PDE4B: variants seen among roughly 807,000 people sequenced by gnomAD.
The protein encoded by PDE4B is phosphodiesterase 4B.
In PDE4B, 20 loss-of-function variants were observed where a neutral mutation model predicts 82.2. The observed-to-expected ratio is 0.24, with a 90% CI of 0.17 to 0.35. PDE4B has a LOEUF of 0.35. Ranked by LOEUF, PDE4B falls within the 10% of genes least tolerant of loss-of-function variation. The probability of loss-of-function intolerance (pLI) is 1.00; values close to 1 mark genes in which losing one functional copy is unlikely to be tolerated. For missense variants in PDE4B, 655 were observed against 907.2 expected (o/e 0.72, Z 3.57); for synonymous variants, 320 against 318.9 (o/e 1.00, Z -0.04).
intron 1 of PDE4B, among the ~76,000 whole-genome samples, chr1:65,812,196 C>T (rs554223303): frequency 3.3e-5 from 5 of 152,296 alleles, no homozygotes; most frequent in South Asian, 4.2e-4. Flanking sequence ...CTTCCTTCCC[C>T]GAGGTCTGAC....
At chr1:65,981,481 T>A (rs1412981207) in intron 3 of PDE4B, among the ~76,000 whole-genome samples, 1 of 151,980 alleles carries the variant, frequency 6.6e-6, no homozygotes, top group African/African-American at 2.4e-5. Flanking sequence ...TTAATTGGAG[T>A]TAATAGGTTT....
At chr1:66,332,226 T>G in intron 7 of PDE4B, 1 of 1,444,432 alleles carries the variant, frequency 6.9e-7, no homozygotes, top group Non-Finnish European at 9.0e-7. Context: ...AAGAGACCGT[T>G]CCCTCCGCCT....
chr1:65,928,770 C>T (rs1056541024), intron 3 of PDE4B, among the ~76,000 whole-genome samples: 2 of 152,172 alleles, frequency 1.3e-5, no homozygotes. Flanking sequence ...ATCCCTTCCT[C>T]TCCATTAAAC....
chr1:66,207,962 G>A (rs1304960535), intron 3 of PDE4B, among the ~76,000 whole-genome samples: 2 of 152,140 alleles, frequency 1.3e-5, no homozygotes, highest in Non-Finnish European at 2.9e-5. Context: ...TAGCTTCCCA[G>A]GTGCTAAAAT....
At position 66,257,516 on chromosome 1, in the gene PDE4B, C is replaced by T. The variant is rs760711888; in HGVS notation, c.477-131C>T. 8 of 958,684 alleles carry T rather than the reference C, an allele frequency of 8.3e-6. No homozygotes were observed. The East Asian group carries it at 1.9e-4, about 23-fold the overall frequency. The allele number at this position is 958,684 out of a possible 1,614,324, so 59.4% of individuals were successfully genotyped here. On this transcript the variant is annotated intron_variant, in intron 4 of 16. Transcript: ENST00000341517. Reference sequence around the variant, plus strand: ...TTTCGTGCCAAATTGTGAGTCCTGTCTTATATCCAGGTAGAAGAACTTGTA... The same window carrying T: ...TTTCGTGCCAAATTGTGAGTCCTGTTTTATATCCAGGTAGAAGAACTTGTA...
chr1:65,841,487 G>A (rs1210720660), intron 1 of PDE4B, among the ~76,000 whole-genome samples: 1 of 151,986 alleles, frequency 6.6e-6, no homozygotes, highest in African/African-American at 2.4e-5. Flanking sequence ...GTGATCTTGG[G>A]GAAGCAGCCT....
At chr1:65,845,585 T>C (rs1190836250) in intron 1 of PDE4B, among the ~76,000 whole-genome samples, 1 of 152,090 alleles carries the variant, frequency 6.6e-6, no homozygotes, top group African/African-American at 2.4e-5. Flanking sequence ...TTTAAGGAAA[T>C]GTGGGCGGAA....
At chr1:66,131,635 A>C (rs1429829940) in intron 3 of PDE4B, among the ~76,000 whole-genome samples, 3 of 127,636 alleles carry the variant, frequency 2.4e-5, no homozygotes, top group Admixed American at 7.9e-5. Flanking sequence ...ATATATATAT[A>C]TATTACTAAC....
At chr1:65,992,710 G>T (rs1651312119) in intron 3 of PDE4B, 4 of 1,331,032 alleles carry the variant, frequency 3.0e-6, no homozygotes, top group Middle Eastern at 2.8e-4. Context: ...GCCTGATAAA[G>T]CTCCTTGTGA....
chr1:66,354,331 G>C (rs1243652482), intron 8 of PDE4B: 15 of 928,616 alleles, frequency 1.6e-5, no homozygotes, highest in Non-Finnish European at 1.9e-5. Context: ...TAGTTGAAAT[G>C]GGGGAGGGTA....
intron 3 of PDE4B, among the ~76,000 whole-genome samples, chr1:66,240,849 C>A (rs1025933120): frequency 6.6e-6 from 1 of 152,198 alleles, no homozygotes; most frequent in African/African-American, 2.4e-5. Context: ...TACCTCACAA[C>A]TTCATTTCTG....
At chr1:66,242,321 A>T (rs1652951977) in intron 3 of PDE4B, among the ~76,000 whole-genome samples, 1 of 152,250 alleles carries the variant, frequency 6.6e-6, no homozygotes, top group Non-Finnish European at 1.5e-5. Flanking sequence ...GATATAAAAG[A>T]GACTCAGTGA....
chr1:66,104,185 G>T lies in PDE4B; in HGVS notation c.282-143275G>T, dbSNP rs906802122. On this transcript the variant is annotated intron_variant, in intron 3 of 16. Transcript: ENST00000341517. ...TTCCCACCTATGAGTGAGAATATAT[G>T]GTGTTTGGTTTTTTGTTCTTGCGAT... Among the ~76,000 whole-genome samples the T allele has an allele frequency of 1.1e-4, 17 of 149,968 alleles. 2 individuals are homozygous for T. The South Asian group carries it at 3.0e-3, about 26-fold the overall frequency.
intron 3 of PDE4B, among the ~76,000 whole-genome samples, chr1:66,056,465 A>ATATCTATC (rs5774790): frequency 1.5e-4 from 22 of 148,184 alleles, no homozygotes; most frequent in South Asian, 8.6e-4. Flanking sequence ...AGGAAATTTT[A>ATATCTATC]TATCTATCTA....
intron 3 of PDE4B, among the ~76,000 whole-genome samples, chr1:66,056,199 A>C (rs1655282592): frequency 6.6e-6 from 1 of 152,158 alleles, no homozygotes; most frequent in Non-Finnish European, 1.5e-5. Flanking sequence ...GAAATGTTTC[A>C]TTTTAATTTC....
chr1:66,178,874 G>A (rs78990331), intron 3 of PDE4B, among the ~76,000 whole-genome samples: 12,022 of 151,656 alleles, frequency 0.079, 955 homozygotes, highest in East Asian at 0.38. Context: ...TTTTTGAGAC[G>A]GAGTTTCAAT....
Position 65,815,695 on chromosome 1 carries a change from A to C in PDE4B, c.-71+22447A>C, listed in dbSNP as rs981375843. Among the ~76,000 whole-genome samples the C allele has an allele frequency of 2.6e-5, 4 of 152,224 alleles. No individual in the cohort carries two copies. In the East Asian group the frequency reaches 7.7e-4, roughly 29 times the overall value. ...TAAAATTTGTCCTGAAGCTAAAAAA[A>C]TTTAAACTGAACTAAACATTTGATC... On this transcript the variant is annotated intron_variant, in intron 1 of 16. Transcript: ENST00000341517.
At chr1:65,842,884 C>T (rs1333035574) in intron 1 of PDE4B, among the ~76,000 whole-genome samples, 1 of 152,132 alleles carries the variant, frequency 6.6e-6, no homozygotes, top group African/African-American at 2.4e-5. Context: ...TTGACATTCT[C>T]AGAGAATGGG....
At chr1:66,245,235 G>T (rs986452307) in intron 3 of PDE4B, among the ~76,000 whole-genome samples, 1 of 152,160 alleles carries the variant, frequency 6.6e-6, no homozygotes, top group Non-Finnish European at 1.5e-5. Context: ...AGGGCCTGGG[G>T]CAGTGGATGG....
Sources: gnomAD v4.1 joint callset for allele counts (sites outside exome capture counted in the v4.1 genomes callset) on GRCh38, gnomAD v4.1.1 for gene constraint, MANE v1.5 for transcripts, NCBI Gene and HGNC (gene_info 2026-07-23, HGNC 2026-07-21) for gene names.